STIL: variants seen among roughly 807,000 people sequenced by gnomAD.
The protein encoded by STIL is STIL centriolar assembly protein.
A neutral mutation model predicts 110.1 loss-of-function variants in STIL; 55 were observed. The ratio of observed to expected loss-of-function variants is 0.50; its 90% CI spans 0.40 to 0.63. The LOEUF is 0.63. STIL is among the 20% of genes least tolerant of loss of function. The probability of loss-of-function intolerance (pLI) is 0.00; values close to 1 mark genes in which losing one functional copy is unlikely to be tolerated. For missense variants in STIL, 1,358 were observed against 1,530.0 expected (o/e 0.89, Z 1.87); for synonymous variants, 481 against 530.0 (o/e 0.91, Z 1.27).
At chr1:47,269,887 G>C (rs1317162006) in intron 13 of STIL, 21 bp from the exon 14 acceptor site, 6 of 1,590,316 alleles carry the variant, frequency 3.8e-6, no homozygotes, top group Non-Finnish European at 5.2e-6. Context: ...AATAATTTAA[G>C]ATACTGAAAC....
chr1:47,297,702 C>T (rs947794883), intron 6 of STIL, among the ~76,000 whole-genome samples: 1 of 151,912 alleles, frequency 6.6e-6, no homozygotes, highest in East Asian at 1.9e-4. Context: ...ACCCTCCTGC[C>T]TCACTCTCCC....
At chr1:47,291,546 G>A (rs1185459499) in intron 8 of STIL, among the ~76,000 whole-genome samples, 2 of 151,522 alleles carry the variant, frequency 1.3e-5, no homozygotes, top group Non-Finnish European at 2.9e-5. Flanking sequence ...TATTTATTCT[G>A]TTTATTGCCT....
intron 8 of STIL, among the ~76,000 whole-genome samples, chr1:47,291,455 A>G (rs1570220843): frequency 1.3e-5 from 2 of 152,188 alleles, no homozygotes; most frequent in Admixed American, 1.3e-4. Context: ...ACTTGCCACT[A>G]TCATTCAGAC....
intron 2 of STIL, among the ~76,000 whole-genome samples, chr1:47,306,171 G>A (rs1645956556): frequency 6.6e-6 from 1 of 151,214 alleles, no homozygotes; most frequent in Non-Finnish European, 1.5e-5. Flanking sequence ...AAAAGAACAA[G>A]ACAATCCTAC....
At chr1:47,270,670 CTTTTTTTTTTTT>C (rs542462270) in intron 13 of STIL, among the ~76,000 whole-genome samples, 2 of 94,076 alleles carry the variant, frequency 2.1e-5, no homozygotes, top group African/African-American at 8.8e-5. Flanking sequence ...GTTTCCCAAT[CTTTTTTTTTTTT>C]TTTTTTTTTT....
At chr1:47,293,575 T>A in intron 7 of STIL, 31 bp from the exon 8 acceptor site, 6 of 1,548,632 alleles carry the variant, frequency 3.9e-6, no homozygotes, top group Non-Finnish European at 5.4e-6. Context: ...TTAAAAACCA[T>A]AGTCACTTAC....
intron 13 of STIL, 81 bp downstream of exon 13, chr1:47,271,995 A>G (rs978154418): frequency 2.7e-6 from 4 of 1,495,360 alleles, no homozygotes; most frequent in East Asian, 2.4e-5. Context: ...CCATGCACCA[A>G]TTTGAACATA....
chr1:47,263,499 T>C (rs1644542079), intron 14 of STIL, among the ~76,000 whole-genome samples: 1 of 152,194 alleles, frequency 6.6e-6, no homozygotes, highest in Non-Finnish European at 1.5e-5. Flanking sequence ...GCTATGATTG[T>C]ACCACTGCAC....
At chr1:47,292,304 C>T (rs1012241445) in intron 8 of STIL, among the ~76,000 whole-genome samples, 3 of 152,094 alleles carry the variant, frequency 2.0e-5, no homozygotes, top group African/African-American at 7.2e-5. Flanking sequence ...CTCTCGTGTA[C>T]TGCTGGAAAA....
At chr1:47,306,785 T>A (rs1645972788) in intron 2 of STIL, among the ~76,000 whole-genome samples, 1 of 152,188 alleles carries the variant, frequency 6.6e-6, no homozygotes, top group Non-Finnish European at 1.5e-5. Context: ...GTTGTGATAT[T>A]AAATCATATA....
chr1:47,272,395 T>C (rs556352158), intron 12 of STIL, among the ~76,000 whole-genome samples, 154 bp from the exon 13 acceptor site: 13 of 152,304 alleles, frequency 8.5e-5, no homozygotes, highest in African/African-American at 3.1e-4. Context: ...ATGAAACTTA[T>C]TCAATATAGA....
chr1:47,278,972 C>T (rs1365103828), intron 12 of STIL, among the ~76,000 whole-genome samples: 1 of 152,054 alleles, frequency 6.6e-6, no homozygotes, highest in Admixed American at 6.5e-5. Context: ...AACACTATAA[C>T]TCCAATTTTA....
intron 7 of STIL, among the ~76,000 whole-genome samples, chr1:47,294,080 C>G (rs752444266): frequency 2.4e-4 from 36 of 152,190 alleles, no homozygotes; most frequent in Non-Finnish European, 4.4e-4. Context: ...ATTTCATGGT[C>G]CAGAGAACAT....
chr1:47,309,275 AACTGT>A (rs376559108), intron 2 of STIL, among the ~76,000 whole-genome samples: 315 of 152,246 alleles, frequency 2.1e-3, no homozygotes, highest in African/African-American at 7.3e-3. Flanking sequence ...CTTGTTACAC[AACTGT>A]ACCCTTCTAA....
In STIL at chr1:47,269,872, G is replaced by A; in HGVS notation, c.2384-6C>T. ...ATTCCAAAACAAGCTAGCACCTGGA[G>A]GTTAAATAATTTAAGATACTGAAAC... On this transcript the variant is annotated splice_polypyrimidine_tract_variant and splice_region_variant and intron_variant, in intron 13 of 16. Coordinates refer to ENST00000371877, the MANE Select transcript of STIL (RefSeq NM_001048166.1). 1 of 1,610,358 alleles carries A rather than the reference G, an allele frequency of 6.2e-7. No homozygotes were observed. Among genetic ancestry groups the A allele is most frequent in the Non-Finnish European group, 8.5e-7 (1 of 1,176,630 alleles).
chr1:47,260,626 A>G, intron 15 of STIL, 87 bp from the exon 16 acceptor site: 1 of 1,416,776 alleles, frequency 7.1e-7, no homozygotes, highest in Non-Finnish European at 9.8e-7. Context: ...TAATCCCAGC[A>G]CTTTGGGAAG....
At chr1:47,285,269 C>A (rs1645265166) in intron 10 of STIL, among the ~76,000 whole-genome samples, 1 of 151,806 alleles carries the variant, frequency 6.6e-6, no homozygotes, top group Non-Finnish European at 1.5e-5. Flanking sequence ...TGAGCTCAAG[C>A]AATCCTCCCG....
chr1:47,308,660 A>T (rs1036998527), intron 2 of STIL, among the ~76,000 whole-genome samples: 8 of 142,900 alleles, frequency 5.6e-5, no homozygotes, highest in East Asian at 2.0e-4. Flanking sequence ...TAATGGGTTT[A>T]AAAAAAAAAA....
At chr1:47,300,208 C>G in intron 5 of STIL, 56 bp from the exon 6 acceptor site, 9 of 1,543,992 alleles carry the variant, frequency 5.8e-6, no homozygotes, top group Non-Finnish European at 7.9e-6. Flanking sequence ...CCCATATCGC[C>G]AAAGTTTATT....
Sources: gnomAD v4.1 joint callset for allele counts (sites outside exome capture counted in the v4.1 genomes callset) on GRCh38, gnomAD v4.1.1 for gene constraint, MANE v1.5 for transcripts, NCBI Gene and HGNC (gene_info 2026-07-23, HGNC 2026-07-21) for gene names.